The following SPATA6L variants were observed in gnomAD, a reference collection of about 807,000 sequenced individuals.
SPATA6L encodes the protein spermatogenesis associated 6-like protein.
In SPATA6L, 68 loss-of-function variants were observed where a neutral mutation model predicts 49.2. The ratio of observed to expected loss-of-function variants is 1.38; its 90% confidence interval spans 1.14 to 1.69. The LOEUF (loss-of-function observed/expected upper bound fraction) is 1.69. SPATA6L is among the 40% of genes most tolerant of loss of function. The pLI is 0.00. For missense variants in SPATA6L, 668 were observed against 464.3 expected (o/e 1.44, Z -4.03); for synonymous variants, 198 against 165.7 (o/e 1.19, Z -1.50).
At chr9:4,649,127 A>T (rs1278751620) in intron 3 of SPATA6L, among the ~76,000 whole-genome samples, 2 of 152,078 alleles carry the variant, frequency 1.3e-5, no homozygotes, top group Non-Finnish European at 2.9e-5. Context: ...TCGTTGATTG[A>T]TGGGCATTTG....
chr9:4,637,648 T>C (rs888839473), intron 3 of SPATA6L, among the ~76,000 whole-genome samples: 1 of 152,236 alleles, frequency 6.6e-6, no homozygotes, highest in Non-Finnish European at 1.5e-5. Flanking sequence ...TCACTAACGG[T>C]AGACATTTTA....
downstream of SPATA6L, among the ~76,000 whole-genome samples, chr9:4,594,465 G>T (rs1207785790): frequency 6.6e-6 from 1 of 152,214 alleles, no homozygotes; most frequent in Non-Finnish European, 1.5e-5. Context: ...GCCTGCCTCA[G>T]CCTCCCAAAG....
intron 3 of SPATA6L, among the ~76,000 whole-genome samples, chr9:4,648,803 G>T (rs1836106520): frequency 6.6e-6 from 1 of 152,118 alleles, no homozygotes; most frequent in Admixed American, 6.5e-5. Context: ...CACCCTATTT[G>T]TAGTCTTTTA....
chr9:4,620,812 C>T (rs145189862), intron 7 of SPATA6L, among the ~76,000 whole-genome samples: 61 of 152,312 alleles, frequency 4.0e-4, no homozygotes, highest in Non-Finnish European at 7.2e-4. Flanking sequence ...CTGCATTAAA[C>T]CCAACTTGTC....
intron 13 of SPATA6L, among the ~76,000 whole-genome samples, chr9:4,593,276 C>T (rs1419212900): frequency 1.3e-5 from 2 of 152,104 alleles, no homozygotes; most frequent in Non-Finnish European, 2.9e-5. Flanking sequence ...ACCAAATTTG[C>T]TCCTTCAAAT....
intron 13 of SPATA6L, among the ~76,000 whole-genome samples, chr9:4,592,706 T>G (rs992763581): frequency 6.6e-6 from 1 of 152,228 alleles, no homozygotes; most frequent in Non-Finnish European, 1.5e-5. Flanking sequence ...ATAGTAGCTA[T>G]AGTTAATACT....
At position 4,625,448 on chromosome 9, in the gene SPATA6L, T is replaced by A; in HGVS notation, c.548A>T (p.Gln183Leu). 6.2e-7 allele frequency: 1 copy of A among 1,614,178 alleles called. No homozygotes were observed. The change falls in exon 6 of 12, where the codon CAA becomes CTA. Residue 183 changes from glutamine (Q) to leucine (L), a missense_variant. Physicochemically the swap from Gln to Leu is moderately radical, Grantham distance 113. Coordinates refer to ENST00000682582, the MANE Select transcript of SPATA6L (RefSeq NM_001353486.2). The stretch of plus-strand genomic sequence containing the variant: ...AGAATATTGAGAGGGCGCCCGGGCT[T>A]GCATGCCTTTGGGCAGTCTGTTGAG... ...NNLNRLPKGMQARAPSQYSTR... is the reference protein window; with the variant it reads ...NNLNRLPKGMLARAPSQYSTR...
At chr9:4,650,742 C>G (rs1022509109) in intron 3 of SPATA6L, among the ~76,000 whole-genome samples, 16 of 152,076 alleles carry the variant, frequency 1.1e-4, no homozygotes, top group Non-Finnish European at 2.1e-4. Flanking sequence ...TCACTGCCAC[C>G]TCTGCCACCC....
chr9:4,591,434 G>A (rs1821892853), intron 13 of SPATA6L, among the ~76,000 whole-genome samples: 1 of 152,134 alleles, frequency 6.6e-6, no homozygotes, highest in African/African-American at 2.4e-5. Context: ...CGGGTCTTTA[G>A]GAAACTAGGC....
chr9:4,642,711 A>G (rs1199012911), intron 3 of SPATA6L, among the ~76,000 whole-genome samples: 1 of 152,228 alleles, frequency 6.6e-6, no homozygotes, highest in African/African-American at 2.4e-5. Flanking sequence ...TAAGAAAAAG[A>G]AAAGCACACA....
At chr9:4,646,513 A>C in intron 3 of SPATA6L, 1 of 1,512,384 alleles carries the variant, frequency 6.6e-7, no homozygotes, top group Non-Finnish European at 8.8e-7. Context: ...TATTAATTCA[A>C]ACCTGGCTAG....
At chr9:4,607,261 A>G (rs56853258) in intron 9 of SPATA6L, among the ~76,000 whole-genome samples, 7,333 of 152,140 alleles carry the variant, frequency 0.048, 270 homozygotes, top group Admixed American at 0.083. Flanking sequence ...CTAGCAAGGC[A>G]GGCCAACATT....
chr9:4,660,113 T>A (rs578194095), intron 2 of SPATA6L, among the ~76,000 whole-genome samples: 1 of 152,172 alleles, frequency 6.6e-6, no homozygotes, highest in Non-Finnish European at 1.5e-5. Context: ...TCAGGACATA[T>A]GCATGGGCAA....
Position 4,662,987 on chromosome 9 carries a change from G to C in SPATA6L, c.40-951C>G. The C allele has an allele frequency of 1.2e-6, 2 of 1,613,002 alleles. No individual in the cohort carries two copies. The highest frequency in any genetic ancestry group is 1.7e-6 in the Non-Finnish European group (2 of 1,179,908). ...AGATGGACATGTTTGTCACTCTCTC[G>C]GTGGACAAGTACTCCTTCCCCTCGG... On this transcript the variant is annotated intron_variant, in intron 1 of 11. Transcript: ENST00000682582. This position sits in a 1 kb window ranked among gnomAD's most constrained non-coding sequence, Gnocchi z 4.9.
rs536062726 is a variant in SPATA6L at position 4,629,090 on chromosome 9, C to A, written c.429+1G>T. ...TATCACTAGATTTGTATTGTACTTA[C>A]AAGAAATCTGTTTCTATGCAGAAAC... On this transcript the variant is annotated splice_donor_variant, in intron 5 of 11. Coordinates refer to ENST00000682582, the MANE Select transcript of SPATA6L (RefSeq NM_001353486.2). LOFTEE classifies it high-confidence loss of function. 2.6e-5 allele frequency: 42 copies of A among 1,598,466 alleles called. No individual in the cohort carries two copies. The highest frequency in any genetic ancestry group is 8.1e-5 in the African/African-American group (6 of 74,270).
chr9:4,641,066 G>A (rs543777582), intron 3 of SPATA6L, among the ~76,000 whole-genome samples: 1 of 152,234 alleles, frequency 6.6e-6, no homozygotes, highest in East Asian at 1.9e-4. Context: ...ATATAGGTGT[G>A]TGTGTATATA....
In SPATA6L at chr9:4,662,003, G is replaced by C; in HGVS notation, c.73C>G (p.Gln25Glu). The C allele has an allele frequency of 6.2e-7, 1 of 1,614,112 alleles. No individual in the cohort carries two copies. Among genetic ancestry groups the C allele is most frequent in the Non-Finnish European group, 8.5e-7 (1 of 1,179,990 alleles). Residue 25 changes from glutamine to glutamate, a missense_variant, in exon 2 of 12, where the codon CAA (glutamine) becomes GAA (glutamate). Transcript: ENST00000682582. The surrounding 1 kb of genome is among the most constrained non-coding windows in gnomAD (Gnocchi z 4.9). ...AGGTAGACCCCGAGGTACACATCTT[G>C]TTTGCCAGGCAGGAACACTCCTGGG... ...SCPGVFLPGK[Q>E]DVYLGVYLMN...
downstream of SPATA6L, among the ~76,000 whole-genome samples, chr9:4,593,744 C>A (rs755622226): frequency 2.6e-5 from 4 of 152,170 alleles, no homozygotes; most frequent in Non-Finnish European, 5.9e-5. Flanking sequence ...TTATATTCCA[C>A]TAAGTTATTT....
chr9:4,615,550 A>T (rs1424576588), intron 9 of SPATA6L, among the ~76,000 whole-genome samples: 2 of 152,196 alleles, frequency 1.3e-5, no homozygotes, highest in African/African-American at 4.8e-5. Flanking sequence ...GAATGCATAA[A>T]CCATCTAACA....
Sources: gnomAD v4.1 joint callset for allele counts (sites outside exome capture counted in the v4.1 genomes callset) on GRCh38, gnomAD v4.1.1 for gene constraint, Gnocchi (gnomAD v3.1) non-coding constraint, MANE v1.5 for transcripts, NCBI Gene and HGNC (gene_info 2026-07-23, HGNC 2026-07-21) for gene names.